ATP10D: variants seen among roughly 807,000 people sequenced by gnomAD.
The protein encoded by ATP10D is ATPase phospholipid transporting 10D (putative).
Under a neutral mutation model 144.8 loss-of-function variants are expected in ATP10D, and 89 were observed. The ratio of observed to expected loss-of-function variants is 0.61; its 90% confidence interval spans 0.52 to 0.73. ATP10D has a LOEUF of 0.73. ATP10D is among the 30% of genes least tolerant of loss of function. The pLI is 0.00. For missense variants in ATP10D, 1,603 were observed against 1,714.8 expected (o/e 0.93, Z 1.15); for synonymous variants, 571 against 615.1 (o/e 0.93, Z 1.06).
At chr4:47,568,306 T>C (rs1183195452) in intron 15 of ATP10D, among the ~76,000 whole-genome samples, 1 of 152,180 alleles carries the variant, frequency 6.6e-6, no homozygotes. Flanking sequence ...TCTCATTAAA[T>C]AGTTAGTGAG....
intron 18 of ATP10D, 73 bp downstream of exon 18, chr4:47,573,070 A>C (rs1023220003): frequency 6.5e-7 from 1 of 1,545,508 alleles, no homozygotes; most frequent in African/African-American, 1.4e-5. Context: ...GATGAAGACG[A>C]AGTGTCCTAT....
In ATP10D at chr4:47,536,341, A is replaced by G. The variant is rs1044775450; in HGVS notation, c.1016-96A>G. The G allele has an allele frequency of 7.5e-6, 11 of 1,468,010 alleles. No individual in the cohort carries two copies. In the African/African-American group the frequency reaches 1.6e-4, roughly 21 times the overall value. The allele number at this position is 1,468,010 out of a possible 1,614,324, so 90.9% of individuals were successfully genotyped here. A position where few individuals can be genotyped will look rare whatever the true frequency, so the allele number is the denominator to read the frequency against. On this transcript the variant is annotated intron_variant, in intron 7 of 22. Coordinates refer to ENST00000273859, the MANE Select transcript of ATP10D (RefSeq NM_020453.4). The stretch of plus-strand genomic sequence containing the variant: ...AAACAAACAGTTGATGTCCAACCAA[A>G]ATGAATACTCTCATTCCTTCTCCTT...
At position 47,546,782 on chromosome 4, in the gene ATP10D, G is replaced by T; in HGVS notation, c.1555G>T (p.Gly519Trp). Residue 519 changes from glycine to tryptophan, a missense_variant, in exon 10 of 23, where the codon GGG (glycine) becomes TGG (tryptophan). Physicochemically the swap from Gly to Trp is radical, Grantham distance 184. Coordinates refer to ENST00000273859, the MANE Select transcript of ATP10D (RefSeq NM_020453.4). ...LGNKPSNHLA[G>W]SSFTLGSGEG... ...AAATAAGCCCTCAAATCATCTTGCT[G>T]GGAGCTCTTTTACTCTAGGAAGTGG... 1 of 1,613,884 alleles carries T rather than the reference G, an allele frequency of 6.2e-7. No homozygotes were observed. The highest frequency in any genetic ancestry group is 8.5e-7 in the Non-Finnish European group (1 of 1,179,986).
In ATP10D at chr4:47,565,501, G is replaced by A. The variant is rs562055227; in HGVS notation, c.2853+1736G>A. On this transcript the variant is annotated intron_variant, in intron 15 of 22. Transcript: ENST00000273859. Reference sequence around the variant, plus strand: ...CTAGGGATCAAATGCTTGGCCTGCCGCTGACTGAGTATGTGGCCTTAGGGA... The same window carrying A: ...CTAGGGATCAAATGCTTGGCCTGCCACTGACTGAGTATGTGGCCTTAGGGA... 2.0e-5 allele frequency among the ~76,000 whole-genome samples: 3 copies of A among 152,216 alleles called. No individual in the cohort carries two copies. In the South Asian group the frequency reaches 6.2e-4, roughly 32 times the overall value.
intron 2 of ATP10D, among the ~76,000 whole-genome samples, chr4:47,514,737 A>G (rs1716541801): frequency 6.6e-6 from 1 of 152,152 alleles, no homozygotes; most frequent in Non-Finnish European, 1.5e-5. Flanking sequence ...AGGCTTTTCT[A>G]CTCAATTTTG....
intron 1 of ATP10D, among the ~76,000 whole-genome samples, chr4:47,501,853 A>G (rs1715696273): frequency 6.6e-6 from 1 of 152,206 alleles, no homozygotes; most frequent in Non-Finnish European, 1.5e-5. Flanking sequence ...AATTAATAAT[A>G]TTTGTTAATG....
rs1719063422 is a variant in ATP10D, at chr4:47,557,855, GGA to G, written c.2018_2019del (p.Glu673GlyfsTer8). 1.2e-6 allele frequency: 2 copies of G among 1,614,080 alleles called. No homozygotes were observed. The highest frequency in any genetic ancestry group is 2.2e-5 in the South Asian group (2 of 91,092). Reference sequence around the variant, plus strand: ...GTCGAATGAAACCAGCTTCACCTGTGGAGGAAGAGGTCTCCCAGGTGTGTGAG... The same window carrying G: ...GTCGAATGAAACCAGCTTCACCTGTGGGAAGAGGTCTCCCAGGTGTGTGAG... ...FSRMKPASPV[E>X]EEVSQVCESP... On this transcript the variant is annotated frameshift_variant, in exon 12 of 23. Transcript: ENST00000273859. LOFTEE classifies it high-confidence loss of function.
rs528640057 is a variant in ATP10D, at chr4:47,536,059, A to G, written c.1015+26A>G. On this transcript the variant is annotated intron_variant, in intron 7 of 22. Transcript: ENST00000273859. ...GTAGGTAAAATTTGATTATTTGCTG[A>G]CATCTTTTCAGCAAGATATTAAAGT... 4.4e-6 allele frequency: 7 copies of G among 1,591,304 alleles called. No homozygotes were observed. The African/African-American group carries it at 9.5e-5, about 22-fold the overall frequency.
At chr4:47,563,474 T>C in intron 14 of ATP10D, 107 bp from the exon 15 acceptor site, 2 of 974,762 alleles carry the variant, frequency 2.1e-6, no homozygotes, top group Non-Finnish European at 2.9e-6. Flanking sequence ...GCAGTTTATG[T>C]AGTGTAGGGT....
At chr4:47,572,736 T>A in intron 17 of ATP10D, 136 bp from the exon 18 acceptor site, 2 of 1,155,750 alleles carry the variant, frequency 1.7e-6, no homozygotes, top group Non-Finnish European at 2.4e-6. Flanking sequence ...AAAAAACTGA[T>A]TTTCATTCAT....
At chr4:47,485,914 C>T (rs1252069227) in intron 1 of ATP10D, among the ~76,000 whole-genome samples, 2 of 151,748 alleles carry the variant, frequency 1.3e-5, no homozygotes, top group East Asian at 3.9e-4. Flanking sequence ...TTTGTCATCC[C>T]GTTGTGAAAT....
At position 47,591,326 on chromosome 4, in the gene ATP10D, A is replaced by T. The variant is rs1287153869; in HGVS notation, c.4226A>T (p.Tyr1409Phe). 1 of 1,612,268 alleles carries T rather than the reference A, an allele frequency of 6.2e-7. No individual in the cohort carries two copies. Among genetic ancestry groups the T allele is most frequent in the East Asian group, 2.2e-5 (1 of 44,896 alleles). ...SLCETALDQG[Y>F]SETKAFEMAG... is the part of the protein sequence containing the mutation. ...TGTGAAACTGCTTTAGATCAAGGCT[A>T]CTCTGAAACTAAGGCCTTTGAGATG... The change falls in exon 23 of 23, where the codon TAC (tyrosine) becomes TTC (phenylalanine). Residue 1409 changes from tyrosine (Y) to phenylalanine (F), a missense_variant. Tyr to Phe is a conservative substitution (Grantham distance 22). Transcript: ENST00000273859.
chr4:47,499,693 T>C (rs1319637395), intron 1 of ATP10D, among the ~76,000 whole-genome samples: 1 of 152,164 alleles, frequency 6.6e-6, no homozygotes, highest in African/African-American at 2.4e-5. Context: ...TATAGGAAAA[T>C]TGGGTACACA....
At chr4:47,526,604 T>A (rs1460488081) in intron 5 of ATP10D, among the ~76,000 whole-genome samples, 1 of 152,200 alleles carries the variant, frequency 6.6e-6, no homozygotes, top group Admixed American at 6.5e-5. Context: ...ACAGATGGTA[T>A]AATGTTCTTT....
chr4:47,553,391 A>G (rs1718823495), intron 10 of ATP10D, among the ~76,000 whole-genome samples: 1 of 152,286 alleles, frequency 6.6e-6, no homozygotes, highest in Non-Finnish European at 1.5e-5. Flanking sequence ...ACAAGCCAGT[A>G]GAATTAATGA....
intron 5 of ATP10D, among the ~76,000 whole-genome samples, chr4:47,531,821 C>T (rs7674353): frequency 0.13 from 19,670 of 152,162 alleles, 1,528 homozygotes; most frequent in South Asian, 0.24. Flanking sequence ...GTCCTCTTCC[C>T]ACAGCTGGGC....
At chr4:47,575,791 A>C (rs983544961) in intron 18 of ATP10D, among the ~76,000 whole-genome samples, 6 of 152,018 alleles carry the variant, frequency 3.9e-5, no homozygotes, top group African/African-American at 1.5e-4. Flanking sequence ...CTTCCCCACT[A>C]TTCTGGAGGC....
intron 21 of ATP10D, among the ~76,000 whole-genome samples, chr4:47,586,781 A>G (rs1720810649): frequency 6.6e-6 from 1 of 152,246 alleles, no homozygotes; most frequent in South Asian, 2.1e-4. Context: ...AAACTAATCA[A>G]CAGAATTCCC....
In ATP10D at chr4:47,557,988, T is replaced by C. The variant is rs1440521581; in HGVS notation, c.2149T>C (p.Leu717=). ...GKAESLPGQP[L]ACNLCYEAES... is the part of the protein sequence containing the mutation. Reference sequence around the variant, plus strand: ...GGCAGAGTCCCTCCCTGGACAGCCATTGGCCTGCAACCTGTGTTATGAGGC... The same window carrying C: ...GGCAGAGTCCCTCCCTGGACAGCCACTGGCCTGCAACCTGTGTTATGAGGC... The change falls in exon 12 of 23, where the codon TTG becomes CTG. Residue 717 remains leucine (L), a synonymous_variant. Transcript: ENST00000273859. The C allele has an allele frequency of 5.0e-6, 8 of 1,614,044 alleles. No individual in the cohort carries two copies. Among genetic ancestry groups the C allele is most frequent in the South Asian group, 1.1e-5 (1 of 91,082 alleles).
Sources: allele counts gnomAD v4.1 joint callset (sites outside exome capture counted in the v4.1 genomes callset), GRCh38; gene constraint gnomAD v4.1.1; transcripts MANE v1.5; gene names NCBI Gene and HGNC (gene_info 2026-07-23, HGNC 2026-07-21).